The following NSRP1 variants were observed in gnomAD, a reference collection of about 807,000 sequenced individuals.
NSRP1 encodes the protein nuclear speckle splicing regulatory protein 1, also known as coiled-coil domain containing 55.
In NSRP1, 24 loss-of-function variants were observed where a neutral mutation model predicts 54.7. The ratio of observed to expected loss-of-function variants is 0.44; its 90% confidence interval spans 0.32 to 0.62. NSRP1 has a LOEUF of 0.62. NSRP1 is among the 20% of genes least tolerant of loss of function. The pLI is 0.06. For missense variants in NSRP1, 596 were observed against 651.2 expected (o/e 0.92, Z 0.92); for synonymous variants, 210 against 213.8 (o/e 0.98, Z 0.15).
chr17:30,167,045 T>G (rs1255115333), intron 2 of NSRP1, among the ~76,000 whole-genome samples: 2 of 152,208 alleles, frequency 1.3e-5, no homozygotes, highest in Admixed American at 1.3e-4. Flanking sequence ...TTTCCCTCAC[T>G]TACCCTTCCC....
chr17:30,146,588 T>C (rs181460603), intron 2 of NSRP1, among the ~76,000 whole-genome samples: 1 of 152,252 alleles, frequency 6.6e-6, no homozygotes, highest in Admixed American at 6.5e-5. Flanking sequence ...TGCAGTTTAA[T>C]TTCTAGATAC....
At chr17:30,153,206 C>T (rs1327647917) in intron 2 of NSRP1, among the ~76,000 whole-genome samples, 2 of 152,092 alleles carry the variant, frequency 1.3e-5, no homozygotes, top group African/African-American at 2.4e-5. Flanking sequence ...CATAAGCCAC[C>T]GTGCCCGGCC....
intron 2 of NSRP1, among the ~76,000 whole-genome samples, chr17:30,159,975 T>C (rs1247847877): frequency 6.6e-6 from 1 of 152,222 alleles, no homozygotes; most frequent in East Asian, 1.9e-4. Context: ...GTATGTTTTT[T>C]CTGTGCCTAG....
chr17:30,140,293 T>G (rs2071791380), intron 2 of NSRP1, among the ~76,000 whole-genome samples: 1 of 152,174 alleles, frequency 6.6e-6, no homozygotes, highest in South Asian at 2.1e-4. Flanking sequence ...ACTTAAAATT[T>G]TCTCTTGTAA....
chr17:30,181,631 A>C (rs1344136239), intron 6 of NSRP1, among the ~76,000 whole-genome samples: 3 of 138,972 alleles, frequency 2.2e-5, no homozygotes, highest in Non-Finnish European at 4.6e-5. Flanking sequence ...TTTTAGATGG[A>C]ATGGAGTCTT....
At chr17:30,151,036 T>G (rs757833945) in intron 2 of NSRP1, among the ~76,000 whole-genome samples, 1 of 152,200 alleles carries the variant, frequency 6.6e-6, no homozygotes, top group African/African-American at 2.4e-5. Flanking sequence ...TTAGTCATCC[T>G]GTTGGGTACG....
chr17:30,156,530 T>C (rs2071964145), intron 2 of NSRP1: 4 of 152,072 alleles, frequency 2.6e-5, no homozygotes, highest in Admixed American at 2.6e-4. Context: ...TCTTTCTTTT[T>C]TTTTTTGAGA....
At chr17:30,167,922 T>C (rs766711407) in intron 2 of NSRP1, among the ~76,000 whole-genome samples, 37 of 152,224 alleles carry the variant, frequency 2.4e-4, no homozygotes, top group Non-Finnish European at 3.7e-4. Flanking sequence ...CTTATGTTAC[T>C]CTAGTAGATG....
At chr17:30,174,233 C>G (rs936009290) in intron 3 of NSRP1, among the ~76,000 whole-genome samples, 2 of 152,140 alleles carry the variant, frequency 1.3e-5, no homozygotes, top group Admixed American at 6.5e-5. Flanking sequence ...GCCACTTTAT[C>G]TGTTTAGTGG....
rs1339384456 is a variant in NSRP1 at position 30,178,193 on chromosome 17, C to G, written c.294C>G (p.Asp98Glu). ...ATCCCAAATTGCTTTTGGGGAAAGA[C>G]AGAAAGGTTTGTAAGCTGAAATAAC... ...ENNPKLLLGK[D>E]RKPKYIHNLL... Residue 98 changes from aspartate to glutamate, a missense_variant, in exon 4 of 7, where the codon GAC becomes GAG. Transcript: ENST00000247026. 6.3e-6 allele frequency: 10 copies of G among 1,598,520 alleles called. No homozygotes were observed. The highest frequency in any genetic ancestry group is 8.5e-6 in the Non-Finnish European group (10 of 1,176,332).
chr17:30,176,095 G>A (rs537584815), intron 3 of NSRP1, among the ~76,000 whole-genome samples: 2 of 128,244 alleles, frequency 1.6e-5, no homozygotes, highest in South Asian at 5.3e-4. Flanking sequence ...GTTTTTTTTT[G>A]TTGTTGTTGT....
chr17:30,180,670 AC>A (rs1905262946), intron 5 of NSRP1, among the ~76,000 whole-genome samples: 1 of 152,206 alleles, frequency 6.6e-6, no homozygotes, highest in Non-Finnish European at 1.5e-5. Flanking sequence ...TGTCGCAGTT[AC>A]TGAGCTCTGC....
At chr17:30,128,857 CAA>C (rs2071674203) in intron 2 of NSRP1, among the ~76,000 whole-genome samples, 4 of 150,402 alleles carry the variant, frequency 2.7e-5, no homozygotes, top group Admixed American at 2.0e-4. Flanking sequence ...GGAAAAAAGA[CAA>C]TAAAGCATTT....
chr17:30,164,155 A>G (rs1458201315), intron 2 of NSRP1, among the ~76,000 whole-genome samples: 1 of 152,194 alleles, frequency 6.6e-6, no homozygotes, highest in East Asian at 1.9e-4. Context: ...AACTCTTAAG[A>G]CATAAATTTA....
chr17:30,179,867 GTC>G (rs1905241100), intron 5 of NSRP1, among the ~76,000 whole-genome samples: 2 of 151,842 alleles, frequency 1.3e-5, no homozygotes, highest in African/African-American at 4.8e-5. Flanking sequence ...TTGAGACTGG[GTC>G]TCTGTCACCC....
chr17:30,157,251 C>G (rs1904341899), intron 2 of NSRP1, among the ~76,000 whole-genome samples: 1 of 152,120 alleles, frequency 6.6e-6, no homozygotes, highest in Non-Finnish European at 1.5e-5. Flanking sequence ...TGATGTTGGG[C>G]ATTTTTTTAT....
chr17:30,132,349 T>C (rs2071708362), intron 2 of NSRP1, among the ~76,000 whole-genome samples: 1 of 151,366 alleles, frequency 6.6e-6, no homozygotes, highest in Admixed American at 6.6e-5. Flanking sequence ...GGTCAGGAGT[T>C]CAAGACCAGC....
chr17:30,124,264 A>G (rs2071630700), intron 2 of NSRP1, among the ~76,000 whole-genome samples: 1 of 152,250 alleles, frequency 6.6e-6, no homozygotes, highest in Non-Finnish European at 1.5e-5. Flanking sequence ...TCCTGTCTCT[A>G]AAATAAAAAG....
chr17:30,127,934 A>G (rs1156264907), intron 2 of NSRP1: 1 of 397,864 alleles, frequency 2.5e-6, no homozygotes, highest in Non-Finnish European at 4.4e-6. Flanking sequence ...TCCCAGGCCG[A>G]AGCACGCCTC....
Sources: gnomAD v4.1 joint callset for allele counts (sites outside exome capture counted in the v4.1 genomes callset) on GRCh38, gnomAD v4.1.1 for gene constraint, MANE v1.5 for transcripts, NCBI Gene and HGNC (gene_info 2026-07-23, HGNC 2026-07-21) for gene names.